Variants in NETO2 observed in about 807,000 individuals in gnomAD.
NETO2 encodes neuropilin and tolloid like 2.
In NETO2, 28 loss-of-function variants were observed where a neutral mutation model predicts 62.5. That is an observed-to-expected ratio of 0.45 (90% CI 0.33 to 0.61). The LOEUF is 0.61. NETO2 is among the 20% of genes least tolerant of loss of function. The pLI, the probability that NETO2 is intolerant of heterozygous loss-of-function variation, is 0.02. For missense variants in NETO2, 548 were observed against 643.2 expected, an observed-to-expected ratio of 0.85 and a Z score of 1.60; for synonymous variants, 214 against 219.1, an observed-to-expected ratio of 0.98 and a Z score of 0.21.
chr16:47,083,566 G>T lies in NETO2; in HGVS notation c.1233C>A (p.Asp411Glu), dbSNP rs1963118093. ...FSLRDKEISA[D>E]LADLSEELDN... is the part of the protein sequence containing the mutation. The stretch of plus-strand genomic sequence containing the variant: ...CCAATTCTTCCGACAAGTCTGCCAG[G>T]TCTGCAGAAATCTCTTTGTCCCTTA... Residue 411 changes from aspartate (D) to glutamate (E), a missense_variant, in exon 9 of 9, where the codon GAC becomes GAA. By Grantham distance (45) the Asp-to-Glu change is conservative. Transcript: ENST00000562435. 4 of 1,614,190 alleles carry T rather than the reference G, an allele frequency of 2.5e-6. No homozygotes were observed. The highest frequency in any genetic ancestry group is 2.5e-6 in the Non-Finnish European group (3 of 1,180,036).
chr16:47,143,753 G>C lies in NETO2; in HGVS notation c.-141C>G, dbSNP rs529788697. ...CTGCCTCCCCGCTCCCCTGAGGAGAGCTCAGGTCCTGCGGCCCGCCATGCC... is the reference window on the plus strand; with the variant it reads ...CTGCCTCCCCGCTCCCCTGAGGAGACCTCAGGTCCTGCGGCCCGCCATGCC... On this transcript the variant is annotated 5_prime_UTR_variant, in exon 1 of 9. Transcript: ENST00000562435. The C allele has an allele frequency of 0.038, 41,943 of 1,109,066 alleles. 923 individuals are homozygous for C. The highest frequency in any genetic ancestry group is 0.041 in the Non-Finnish European group (36,348 of 883,892). 68.7% of individuals were successfully genotyped at this position (1,109,066 alleles called of 1,614,324 possible).
chr16:47,102,379 G>C (rs1290729271), intron 7 of NETO2, among the ~76,000 whole-genome samples: 2 of 152,052 alleles, frequency 1.3e-5, no homozygotes, highest in African/African-American at 4.8e-5. Flanking sequence ...ATAGGCATGG[G>C]CAAAGACTTC....
rs1596693518 is a variant in NETO2, at chr16:47,082,054, AAAT to A, written c.*1164_*1166del. ...GATTTAATAAAGTTTGTACAGTATC[AAAT>A]AATATCAAAAGTCTAAAAAACACAA... is the stretch of plus-strand genomic sequence containing the variant. On this transcript the variant is annotated 3_prime_UTR_variant, in exon 9 of 9. Transcript: ENST00000562435. The A allele has an allele frequency of 6.6e-6, 1 of 152,652 alleles. No homozygotes were observed. Among genetic ancestry groups the A allele is most frequent in the South Asian group, 2.1e-4 (1 of 4,830 alleles). 9.5% of individuals were successfully genotyped at this position (152,652 alleles called of 1,614,324 possible). A position where few individuals can be genotyped will look rare whatever the true frequency, so the allele number is the denominator to read the frequency against.
chr16:47,093,203 T>C (rs1352007091), intron 7 of NETO2, among the ~76,000 whole-genome samples: 1 of 152,222 alleles, frequency 6.6e-6, no homozygotes, highest in East Asian at 1.9e-4. Flanking sequence ...CCTGCCTCCT[T>C]TCTCTGCCAC....
At chr16:47,135,764 A>G (rs1258280567) in intron 1 of NETO2, among the ~76,000 whole-genome samples, 1 of 152,190 alleles carries the variant, frequency 6.6e-6, no homozygotes, top group African/African-American at 2.4e-5. Context: ...ATAAAAAAAA[A>G]AAGGTCAAAT....
At chr16:47,106,502 G>A (rs781345467) in intron 7 of NETO2, among the ~76,000 whole-genome samples, 9 of 151,926 alleles carry the variant, frequency 5.9e-5, no homozygotes, top group Non-Finnish European at 1.0e-4. Context: ...CAACCCTTCC[G>A]GAAGGGTTTT....
Position 47,080,624 on chromosome 16 carries a change from C to G in NETO2, c.*2597G>C, listed in dbSNP as rs1468655240. ...TTTAATAAATAAATGAGATCTAATG[C>G]CCATCTATGATTCAATGAAGGTGTA... On this transcript the variant is annotated 3_prime_UTR_variant, in exon 9 of 9. Transcript: ENST00000562435. 1 of 152,156 alleles carries G rather than the reference C, an allele frequency of 6.6e-6. No homozygotes were observed. The highest frequency in any genetic ancestry group is 1.5e-5 in the Non-Finnish European group (1 of 68,016). The allele number at this position is 152,156 out of a possible 1,614,324, so 9.4% of individuals were successfully genotyped here.
chr16:47,131,162 T>C (rs1964259563), intron 2 of NETO2, among the ~76,000 whole-genome samples: 1 of 152,074 alleles, frequency 6.6e-6, no homozygotes, highest in African/African-American at 2.4e-5. Context: ...ACCAGAATTA[T>C]GACAGAACTG....
At chr16:47,105,635 C>T (rs1963658396) in intron 7 of NETO2, among the ~76,000 whole-genome samples, 1 of 151,758 alleles carries the variant, frequency 6.6e-6, no homozygotes, top group Admixed American at 6.6e-5. Flanking sequence ...AGAACGTCTA[C>T]AACTTAAAAA....
At chr16:47,086,046 C>T (rs1431181116) in intron 8 of NETO2, among the ~76,000 whole-genome samples, 180 bp downstream of exon 8, 1 of 152,148 alleles carries the variant, frequency 6.6e-6, no homozygotes, top group Non-Finnish European at 1.5e-5. Context: ...GCGGAGCTTG[C>T]AGTGAGCCGA....
intron 7 of NETO2, among the ~76,000 whole-genome samples, chr16:47,108,123 T>A (rs532934558): frequency 6.6e-6 from 1 of 152,022 alleles, no homozygotes; most frequent in African/African-American, 2.4e-5. Flanking sequence ...AAATAAAATA[T>A]CCATGAGCCC....
chr16:47,086,491 A>C lies in NETO2; in HGVS notation c.884-152T>G. The stretch of plus-strand genomic sequence containing the variant: ...CTATTCAAACAATAAGACAAACGTC[A>C]ATATTCTCTGATGCTGGCTCATTCA... On this transcript the variant is annotated intron_variant, in intron 7 of 8. Transcript: ENST00000562435. 4 of 604,482 alleles carry C rather than the reference A, an allele frequency of 6.6e-6. No homozygotes were observed. In the Admixed American group the frequency reaches 9.0e-5, roughly 14 times the overall value. 37.4% of individuals were successfully genotyped at this position (604,482 alleles called of 1,614,324 possible). A position where few individuals can be genotyped will look rare whatever the true frequency, so the allele number is the denominator to read the frequency against.
chr16:47,141,325 T>C (rs1055605202), intron 1 of NETO2, among the ~76,000 whole-genome samples: 1 of 152,198 alleles, frequency 6.6e-6, no homozygotes, highest in African/African-American at 2.4e-5. Context: ...ATTCACTTTA[T>C]AGGATAAAAG....
intron 7 of NETO2, among the ~76,000 whole-genome samples, chr16:47,107,869 G>A (rs1284835343): frequency 6.6e-6 from 1 of 152,004 alleles, no homozygotes; most frequent in Admixed American, 6.6e-5. Flanking sequence ...TTGACCTCCT[G>A]GGCTCAGGTG....
Position 47,082,120 on chromosome 16 carries a change from T to TA in NETO2, c.*1100dup, listed in dbSNP as rs915564078. The stretch of plus-strand genomic sequence containing the variant: ...TTTATAAATTATTGTTTTTATACCA[T>TA]AAAAAAAGTCAAAAGTGCAGTTTAA... On this transcript the variant is annotated 3_prime_UTR_variant, in exon 9 of 9. Coordinates refer to ENST00000562435, the MANE Select transcript of NETO2 (RefSeq NM_018092.5). 6.6e-6 allele frequency: 1 copy of TA among 152,496 alleles called. No homozygotes were observed. The highest frequency in any genetic ancestry group is 1.5e-5 in the Non-Finnish European group (1 of 67,996). 9.4% of individuals were successfully genotyped at this position (152,496 alleles called of 1,614,324 possible).
In NETO2 at chr16:47,083,567, T is replaced by A. The variant is rs941150131; in HGVS notation, c.1232A>T (p.Asp411Val). ...FSLRDKEISA[D>V]LADLSEELDN... ...CAATTCTTCCGACAAGTCTGCCAGG[T>A]CTGCAGAAATCTCTTTGTCCCTTAG... Residue 411 changes from aspartate to valine, a missense_variant, in exon 9 of 9, where the codon GAC becomes GTC. Asp to Val is a radical substitution (Grantham distance 152, BLOSUM62 -3). Transcript: ENST00000562435. 2 of 1,614,218 alleles carry A rather than the reference T, an allele frequency of 1.2e-6. No homozygotes were observed. Among genetic ancestry groups the A allele is most frequent in the Non-Finnish European group, 1.7e-6 (2 of 1,180,042 alleles).
chr16:47,097,008 C>T (rs1275147782), intron 7 of NETO2, among the ~76,000 whole-genome samples: 2 of 152,226 alleles, frequency 1.3e-5, no homozygotes, highest in African/African-American at 4.8e-5. Flanking sequence ...CTACACTTTT[C>T]CCATGGTCTT....
chr16:47,133,600 A>G (rs1964311603), intron 1 of NETO2, among the ~76,000 whole-genome samples: 1 of 127,516 alleles, frequency 7.8e-6, no homozygotes, highest in Admixed American at 9.8e-5. Flanking sequence ...ATAAAATGAC[A>G]TAACATAAAA....
At chr16:47,107,373 C>A (rs1963697830) in intron 7 of NETO2, among the ~76,000 whole-genome samples, 1 of 152,156 alleles carries the variant, frequency 6.6e-6, no homozygotes, top group Non-Finnish European at 1.5e-5. Flanking sequence ...ATATAAACCA[C>A]TAGCCTGAGT....
Sources: gnomAD v4.1 joint callset for allele counts (sites outside exome capture counted in the v4.1 genomes callset) on GRCh38, gnomAD v4.1.1 for gene constraint, MANE v1.5 for transcripts, NCBI Gene and HGNC (gene_info 2026-07-23, HGNC 2026-07-21) for gene names.